Variants in PADI1 observed in about 807,000 individuals in gnomAD.
PADI1 encodes the protein protein-arginine deiminase type-1.
PADI1 carries 65 observed loss-of-function variants against 74.8 expected under a neutral mutation model. The observed-to-expected ratio is 0.87, with a 90% confidence interval of 0.71 to 1.07. PADI1 has a LOEUF of 1.07. Among genes scored for constraint, PADI1 ranks in the 50% least tolerant of loss-of-function variants. The pLI is 0.00. For synonymous variants in PADI1, 371 were observed against 336.2 expected (o/e 1.10, Z -1.13); for missense variants, 943 against 854.0 (o/e 1.10, Z -1.30).
chr1:17,228,887 G>A (rs971347604), intron 7 of PADI1, 61 bp from the exon 8 acceptor site: 1 of 1,582,492 alleles, frequency 6.3e-7, no homozygotes. Context: ...TGGGGGCTGG[G>A]GGGGCTTGAG....
At chr1:17,217,809 A>T (rs1301446240) in intron 1 of PADI1, among the ~76,000 whole-genome samples, 1 of 152,228 alleles carries the variant, frequency 6.6e-6, no homozygotes, top group African/African-American at 2.4e-5. Flanking sequence ...TCAGGGCTTC[A>T]TTCATCGTTT....
chr1:17,225,959 G>T, intron 5 of PADI1, 31 bp downstream of exon 5: 1 of 1,611,882 alleles, frequency 6.2e-7, no homozygotes, highest in Non-Finnish European at 8.5e-7. Context: ...TCTGGGGAGT[G>T]GGGAAGGGGG....
At chr1:17,230,451 C>T (rs2072456802) in intron 9 of PADI1, 121 bp from the exon 10 acceptor site, 2 of 748,014 alleles carry the variant, frequency 2.7e-6, no homozygotes, top group Admixed American at 2.9e-5. Flanking sequence ...CTACCTCTGC[C>T]CCTCACCAGG....
chr1:17,221,470 AG>A (rs761095554), intron 1 of PADI1, among the ~76,000 whole-genome samples: 2,497 of 125,842 alleles, frequency 0.02, 93 homozygotes, highest in African/African-American at 0.047. Flanking sequence ...CTCTGTCTCA[AG>A]AAAAAAAAAA....
rs112173321 is a variant in PADI1, at chr1:17,238,572, A to G, written c.1459-44A>G. 518 of 1,161,812 alleles carry G rather than the reference A, an allele frequency of 4.5e-4. 4 individuals are homozygous for G. The African/African-American group carries it at 7.2e-3, about 16-fold the overall frequency. The allele number at this position is 1,161,812 out of a possible 1,614,324, so 72.0% of individuals were successfully genotyped here. ...CTGAGTCTGGGGTCTCCTGTGTCTAAGGGGACCCTGTCCACTGAGCCATTC... is the reference window on the plus strand; with the variant it reads ...CTGAGTCTGGGGTCTCCTGTGTCTAGGGGGACCCTGTCCACTGAGCCATTC... On this transcript the variant is annotated intron_variant, in intron 12 of 15. Transcript: ENST00000375471.
chr1:17,241,352 G>C (rs2072772407), intron 15 of PADI1, among the ~76,000 whole-genome samples: 1 of 152,284 alleles, frequency 6.6e-6, no homozygotes, highest in Non-Finnish European at 1.5e-5. Context: ...AAGGATGTTG[G>C]GGTGTTGGCA....
chr1:17,214,139 C>T lies in PADI1; in HGVS notation c.93-8151C>T, dbSNP rs572115513. On this transcript the variant is annotated intron_variant, in intron 1 of 15. Transcript: ENST00000375471. ...TTGTAACCATGGTGACAGCATCTAACGCTGAGAAGTCATCATCTCAGGGAA... is the reference window on the plus strand; with the variant it reads ...TTGTAACCATGGTGACAGCATCTAATGCTGAGAAGTCATCATCTCAGGGAA... Among the ~76,000 whole-genome samples, 33 of 152,292 alleles carry T rather than the reference C, an allele frequency of 2.2e-4. No homozygotes were observed. In the East Asian group the frequency reaches 5.6e-3, roughly 26 times the overall value.
intron 15 of PADI1, among the ~76,000 whole-genome samples, chr1:17,242,270 T>C (rs942926208): frequency 6.6e-6 from 1 of 152,126 alleles, no homozygotes; most frequent in Non-Finnish European, 1.5e-5. Context: ...GAACCACGGC[T>C]TGAAGGCAGT....
chr1:17,240,799 G>A (rs746955532), intron 15 of PADI1, 39 bp downstream of exon 15: 14 of 1,601,434 alleles, frequency 8.7e-6, no homozygotes, highest in East Asian at 4.5e-5. Flanking sequence ...GGGGGTCTGC[G>A]GGGCTCTGAG....
intron 1 of PADI1, among the ~76,000 whole-genome samples, chr1:17,208,801 C>T (rs2071756397): frequency 6.6e-6 from 1 of 152,210 alleles, no homozygotes; most frequent in Admixed American, 6.5e-5. Context: ...TGTGAGGAAT[C>T]CATCTGCGGT....
At chr1:17,235,196 GGA>G (rs1438139881) in intron 11 of PADI1, among the ~76,000 whole-genome samples, 3 of 140,074 alleles carry the variant, frequency 2.1e-5, no homozygotes, top group Non-Finnish European at 4.7e-5. Flanking sequence ...AAAGAAGGAA[GGA>G]AGGGAGGGAG....
chr1:17,221,008 T>C (rs541396502), intron 1 of PADI1, among the ~76,000 whole-genome samples: 5 of 152,114 alleles, frequency 3.3e-5, no homozygotes, highest in Admixed American at 2.0e-4. Context: ...GCCCGGCAGA[T>C]GAGTGCCCCA....
In PADI1 at chr1:17,224,355, A is replaced by C. The variant is rs2072249277; in HGVS notation, c.347-12A>C. 6.2e-7 allele frequency: 1 copy of C among 1,612,858 alleles called. No individual in the cohort carries two copies. Among genetic ancestry groups the C allele is most frequent in the Non-Finnish European group, 8.5e-7 (1 of 1,179,298 alleles). On this transcript the variant is annotated splice_polypyrimidine_tract_variant and intron_variant, in intron 3 of 15. Transcript: ENST00000375471. ...GATGAGCCCCTGGCAGCCCCTCTCC[A>C]TCTCTTTGCAGATATTTCCCTTGAG...
Position 17,239,700 on chromosome 1 carries a change from G to T in PADI1, c.1553-4G>T. The T allele has an allele frequency of 6.2e-7, 1 of 1,612,034 alleles. No homozygotes were observed. Among genetic ancestry groups the T allele is most frequent in the Non-Finnish European group, 8.5e-7 (1 of 1,178,082 alleles). ...AGCTATGTACTGTCTTTCTCTTCTT[G>T]CAGGGTTAAAACACCAGGCAAAAAG... On this transcript the variant is annotated splice_region_variant and splice_polypyrimidine_tract_variant and intron_variant, in intron 13 of 15. Transcript: ENST00000375471.
intron 13 of PADI1, 55 bp downstream of exon 13, chr1:17,238,764 C>A: frequency 2.2e-6 from 2 of 896,384 alleles, no homozygotes; most frequent in Non-Finnish European, 1.6e-6. Flanking sequence ...CATCACCATC[C>A]TTGGGTACAG....
intron 15 of PADI1, among the ~76,000 whole-genome samples, chr1:17,241,050 CT>C (rs998743467): frequency 1.8e-3 from 273 of 150,762 alleles, no homozygotes; most frequent in African/African-American, 5.5e-3. Flanking sequence ...CCACAAAGCA[CT>C]TTTTTTTTTC....
intron 1 of PADI1, among the ~76,000 whole-genome samples, chr1:17,215,519 C>T (rs2071953533): frequency 6.6e-6 from 1 of 152,106 alleles, no homozygotes; most frequent in South Asian, 2.1e-4. Context: ...CTTGAAAGGG[C>T]TGTGTCTGGC....
At chr1:17,237,262 C>A in intron 11 of PADI1, 52 bp from the exon 12 acceptor site, 2 of 1,546,814 alleles carry the variant, frequency 1.3e-6, no homozygotes, top group South Asian at 1.2e-5. Flanking sequence ...TCAGGCAAGG[C>A]CTGATGCCTC....
chr1:17,236,618 G>A (rs748531433), intron 11 of PADI1, among the ~76,000 whole-genome samples: 10 of 152,268 alleles, frequency 6.6e-5, no homozygotes, highest in Admixed American at 1.3e-4. Context: ...GCCGTGCGTG[G>A]TGGCACATAC....
Sources: allele counts gnomAD v4.1 joint callset (sites outside exome capture counted in the v4.1 genomes callset), GRCh38; gene constraint gnomAD v4.1.1; transcripts MANE v1.5; gene names NCBI Gene and HGNC (gene_info 2026-07-23, HGNC 2026-07-21).